GXYLT1: variants seen among roughly 807,000 people sequenced by gnomAD.
GXYLT1 encodes the protein glucoside xylosyltransferase 1.
A neutral mutation model predicts 54.0 loss-of-function variants in GXYLT1; 29 were observed. The observed-to-expected ratio is 0.54, with a 90% CI of 0.40 to 0.73. The LOEUF (loss-of-function observed/expected upper bound fraction) is 0.73. GXYLT1 is among the 30% of genes least tolerant of loss of function. GXYLT1 has a pLI of 0.00. For missense variants in GXYLT1, 490 were observed against 553.4 expected (o/e 0.89, Z 1.15); for synonymous variants, 176 against 204.1 (o/e 0.86, Z 1.17).
rs150796977 is a variant in GXYLT1, at chr12:42,140,892, T to G, written c.221+3534A>C. ...GGACTCATCAGTGAAATATGATAAT[T>G]TAATCATCCTGAGTAACTAAAATGC... On this transcript the variant is annotated intron_variant, in intron 1 of 7. Transcript: ENST00000398675. Among the ~76,000 whole-genome samples the G allele has an allele frequency of 5.3e-5, 8 of 152,310 alleles. No homozygotes were observed. In the East Asian group the frequency reaches 1.5e-3, roughly 29 times the overall value.
At chr12:42,093,681 AT>A (rs1388186493) in intron 7 of GXYLT1, among the ~76,000 whole-genome samples, 3 of 152,168 alleles carry the variant, frequency 2.0e-5, no homozygotes, top group Non-Finnish European at 2.9e-5. Context: ...CTTTTAATTT[AT>A]TTTATTTTTT....
At chr12:42,098,332 ACGTC>A (rs2065369068) in intron 5 of GXYLT1, among the ~76,000 whole-genome samples, 1 of 152,156 alleles carries the variant, frequency 6.6e-6, no homozygotes, top group African/African-American at 2.4e-5. Context: ...GTCTGGGCCT[ACGTC>A]AGAGTTGTTG....
intron 5 of GXYLT1, among the ~76,000 whole-genome samples, chr12:42,100,171 G>T (rs749373735): frequency 6.6e-6 from 1 of 152,044 alleles, no homozygotes; most frequent in Non-Finnish European, 1.5e-5. Flanking sequence ...AGTGAATACC[G>T]GGCCTTTTAG....
chr12:42,090,779 G>A (rs2065324793), intron 7 of GXYLT1, among the ~76,000 whole-genome samples: 1 of 152,200 alleles, frequency 6.6e-6, no homozygotes. Flanking sequence ...TATAAGCAAG[G>A]TGTAAAGTAA....
At chr12:42,090,564 T>C (rs1383326518) in intron 7 of GXYLT1, among the ~76,000 whole-genome samples, 1 of 152,242 alleles carries the variant, frequency 6.6e-6, no homozygotes, top group Non-Finnish European at 1.5e-5. Context: ...AAGCTCATGC[T>C]TTATACTGTC....
At chr12:42,141,579 T>C (rs1041996685) in intron 1 of GXYLT1, among the ~76,000 whole-genome samples, 1 of 152,116 alleles carries the variant, frequency 6.6e-6, no homozygotes, top group Non-Finnish European at 1.5e-5. Flanking sequence ...AGTGATGATA[T>C]TAACTAGCTT....
At chr12:42,099,834 G>A (rs1212229319) in intron 5 of GXYLT1, among the ~76,000 whole-genome samples, 1 of 152,160 alleles carries the variant, frequency 6.6e-6, no homozygotes, top group Non-Finnish European at 1.5e-5. Context: ...ATGGGTAACA[G>A]AATGAGACCC....
chr12:42,111,785 G>A (rs1036413912), intron 3 of GXYLT1, among the ~76,000 whole-genome samples: 3 of 152,236 alleles, frequency 2.0e-5, no homozygotes, highest in Admixed American at 1.3e-4. Context: ...TTTGAAGAGA[G>A]TAGTGGTTCT....
At chr12:42,096,626 C>A (rs961918488) in intron 7 of GXYLT1, among the ~76,000 whole-genome samples, 1 of 152,126 alleles carries the variant, frequency 6.6e-6, no homozygotes, top group African/African-American at 2.4e-5. Context: ...TATTGTTGAA[C>A]AATCATCAAT....
chr12:42,087,656 C>A lies in GXYLT1; in HGVS notation c.*130G>T. Reference sequence around the variant, plus strand: ...TTACCTGAAAATACTGCTTACTTAACTTCTTTAGGAAAAAAAAAATTATTC... The same window carrying A: ...TTACCTGAAAATACTGCTTACTTAAATTCTTTAGGAAAAAAAAAATTATTC... On this transcript the variant is annotated 3_prime_UTR_variant, in exon 8 of 8. Coordinates refer to ENST00000398675, the MANE Select transcript of GXYLT1 (RefSeq NM_173601.2). 1 of 640,502 alleles carries A rather than the reference C, an allele frequency of 1.6e-6. No individual in the cohort carries two copies. Among genetic ancestry groups the A allele is most frequent in the South Asian group, 2.1e-5 (1 of 46,638 alleles). 39.7% of individuals were successfully genotyped at this position (640,502 alleles called of 1,614,324 possible).
At chr12:42,100,707 T>G (rs531947521) in intron 5 of GXYLT1, among the ~76,000 whole-genome samples, 2 of 152,020 alleles carry the variant, frequency 1.3e-5, no homozygotes, top group Non-Finnish European at 2.9e-5. Context: ...AGGAAACAAT[T>G]TGAAAAGATA....
At position 42,119,188 on chromosome 12, in the gene GXYLT1, C is replaced by T. The variant is rs1374418163; in HGVS notation, c.315-17G>A. The T allele has an allele frequency of 1.3e-6, 2 of 1,496,914 alleles. No homozygotes were observed. The highest frequency in any genetic ancestry group is 1.4e-5 in the African/African-American group (1 of 69,336). 92.7% of individuals were successfully genotyped at this position (1,496,914 alleles called of 1,614,324 possible). A position where few individuals can be genotyped will look rare whatever the true frequency, so the allele number is the denominator to read the frequency against. ...AGACTGTACCTAATAGGAAAGAAAA[C>T]CACATTTTTCAACAGTTTTAGTATA... On this transcript the variant is annotated splice_polypyrimidine_tract_variant and intron_variant, in intron 2 of 7. Coordinates refer to ENST00000398675, the MANE Select transcript of GXYLT1 (RefSeq NM_173601.2).
chr12:42,127,114 C>T (rs1265374757), intron 2 of GXYLT1, among the ~76,000 whole-genome samples: 1 of 151,980 alleles, frequency 6.6e-6, no homozygotes, highest in Admixed American at 6.6e-5. Flanking sequence ...AACTAAGGGC[C>T]CCCTGGTGCC....
At chr12:42,130,547 TA>T (rs546263317) in intron 1 of GXYLT1, among the ~76,000 whole-genome samples, 8 of 151,062 alleles carry the variant, frequency 5.3e-5, no homozygotes, top group South Asian at 2.1e-4. Flanking sequence ...ACAGTCACTA[TA>T]AAAAAAAACA....
At chr12:42,102,789 T>C (rs565916242) in intron 5 of GXYLT1, among the ~76,000 whole-genome samples, 1 of 152,026 alleles carries the variant, frequency 6.6e-6, no homozygotes, top group Non-Finnish European at 1.5e-5. Flanking sequence ...GCAAATACGA[T>C]ACTGCAAAAT....
intron 7 of GXYLT1, among the ~76,000 whole-genome samples, chr12:42,091,404 T>C (rs2065328513): frequency 6.6e-6 from 1 of 151,770 alleles, no homozygotes; most frequent in Non-Finnish European, 1.5e-5. Flanking sequence ...AACTTAATTC[T>C]CTAATAGTAG....
intron 3 of GXYLT1, among the ~76,000 whole-genome samples, chr12:42,115,531 T>C (rs1231217148): frequency 2.0e-5 from 3 of 152,118 alleles, no homozygotes; most frequent in East Asian, 1.9e-4. Context: ...TCATTCACAA[T>C]TGCTTCAAAG....
chr12:42,133,474 G>C (rs1052918449), intron 1 of GXYLT1, among the ~76,000 whole-genome samples: 1 of 152,120 alleles, frequency 6.6e-6, no homozygotes, highest in African/African-American at 2.4e-5. Context: ...AGAAGCCCAA[G>C]GCACATGCAG....
chr12:42,110,142 G>C (rs7296707), intron 3 of GXYLT1, among the ~76,000 whole-genome samples: 78,130 of 152,012 alleles, frequency 0.51, 20,514 homozygotes, highest in South Asian at 0.69. Context: ...GTCCATCAAT[G>C]CATAGCTTTA....
Sources: allele counts gnomAD v4.1 joint callset (sites outside exome capture counted in the v4.1 genomes callset), GRCh38; gene constraint gnomAD v4.1.1; transcripts MANE v1.5; gene names NCBI Gene and HGNC (gene_info 2026-07-23, HGNC 2026-07-21).